The following OR3A2 variants were observed in gnomAD, a reference collection of about 807,000 sequenced individuals.
OR3A2 encodes the protein olfactory receptor 3A2.
For missense variants in OR3A2, 318 were observed against 392.8 expected, an observed-to-expected ratio of 0.81 and a Z score of 1.61; for synonymous variants, 126 against 159.3, an observed-to-expected ratio of 0.79 and a Z score of 1.57.
intron 1 of OR3A2, chr17:3,385,845 C>T: frequency 5.0e-6 from 2 of 398,512 alleles, no homozygotes; most frequent in Non-Finnish European, 8.8e-6. Context: ...GGAACCTCAA[C>T]ATGCAGGAAG....
chr17:3,297,377 T>C (rs1341257808), intron 3 of OR3A2, among the ~76,000 whole-genome samples: 1 of 152,228 alleles, frequency 6.6e-6, no homozygotes, highest in Non-Finnish European at 1.5e-5. Context: ...ACTCAGGTTG[T>C]AAGGTTTTAC....
At chr17:3,354,835 A>T (rs2049451479) in intron 2 of OR3A2, among the ~76,000 whole-genome samples, 1 of 151,122 alleles carries the variant, frequency 6.6e-6, no homozygotes, top group Non-Finnish European at 1.5e-5. Flanking sequence ...CTTGTTCTTT[A>T]AGATGCATCA....
chr17:3,360,484 T>C (rs2049503476), intron 2 of OR3A2, among the ~76,000 whole-genome samples: 1 of 151,800 alleles, frequency 6.6e-6, no homozygotes, highest in Non-Finnish European at 1.5e-5. Context: ...AGACATGAAG[T>C]CCATGCCCAT....
chr17:3,382,281 CAGT>C (rs1179498419), intron 2 of OR3A2, among the ~76,000 whole-genome samples: 1 of 152,168 alleles, frequency 6.6e-6, no homozygotes, highest in African/African-American at 2.4e-5. Context: ...GCCCTGCATC[CAGT>C]AGGCAAGAGG....
At position 3,310,995 on chromosome 17, in the gene OR3A2, C is replaced by G. The variant is rs746055392; in HGVS notation, c.-85+25038G>C. 2.9e-4 allele frequency: 161 copies of G among 551,360 alleles called. 3 individuals are homozygous for G. In the Middle Eastern group the frequency reaches 0.017, roughly 57 times the overall value. 34.2% of individuals were successfully genotyped at this position (551,360 alleles called of 1,614,324 possible). On this transcript the variant is annotated intron_variant, in intron 3 of 4. Transcript: ENST00000573491. ...CTATGCCCATGTGGCAGCTGCAGTC[C>G]TGCGAATCCGCTCTGCAGAGGGCAG... is the stretch of plus-strand genomic sequence containing the variant.
intron 3 of OR3A2, among the ~76,000 whole-genome samples, chr17:3,322,968 G>A (rs1301066194): frequency 6.6e-6 from 1 of 152,022 alleles, no homozygotes; most frequent in Non-Finnish European, 1.5e-5. Context: ...TTGACAGTGG[G>A]GTGTTAAAGT....
intron 2 of OR3A2, among the ~76,000 whole-genome samples, chr17:3,352,034 A>C (rs230464): frequency 0.41 from 62,725 of 151,838 alleles, 13,219 homozygotes; most frequent in Admixed American, 0.52. Context: ...AAATCAATTC[A>C]AGATGGATTG....
At chr17:3,323,789 C>T (rs2150637126) in intron 3 of OR3A2, among the ~76,000 whole-genome samples, 1 of 152,178 alleles carries the variant, frequency 6.6e-6, no homozygotes, top group African/African-American at 2.4e-5. Flanking sequence ...CTGCCCTTAA[C>T]ATTTTTTCCT....
intron 3 of OR3A2, among the ~76,000 whole-genome samples, chr17:3,293,767 T>A (rs566759611): frequency 6.6e-6 from 1 of 152,302 alleles, no homozygotes; most frequent in East Asian, 1.9e-4. Context: ...CACGGAATAC[T>A]ATGCAGCCAT....
chr17:3,340,271 G>A (rs1225213019), intron 2 of OR3A2, among the ~76,000 whole-genome samples: 2 of 152,052 alleles, frequency 1.3e-5, no homozygotes, highest in South Asian at 2.1e-4. Flanking sequence ...ATCTCCTTCA[G>A]TTCTGCTCTG....
At chr17:3,292,253 G>A (rs375681384) in intron 3 of OR3A2, 30 of 1,614,122 alleles carry the variant, frequency 1.9e-5, no homozygotes, top group Admixed American at 8.3e-5. Context: ...CCACTCCAAC[G>A]AACAGATGGA....
intron 3 of OR3A2, among the ~76,000 whole-genome samples, chr17:3,317,590 C>T (rs535192608): frequency 1.3e-4 from 20 of 152,278 alleles, no homozygotes; most frequent in African/African-American, 4.6e-4. Flanking sequence ...AGATCATTTC[C>T]TCCCTGTGGG....
upstream of OR3A2, among the ~76,000 whole-genome samples, chr17:3,287,425 A>G (rs1299361626): frequency 3.3e-5 from 5 of 151,986 alleles, no homozygotes; most frequent in Non-Finnish European, 5.9e-5. Context: ...ATCCATGTGT[A>G]CGCGGTATTG....
Position 3,359,696 on chromosome 17 carries a change from T to C in OR3A2, c.-178-23570A>G, listed in dbSNP as rs549100457. On this transcript the variant is annotated intron_variant, in intron 2 of 4. Transcript: ENST00000573491. Reference sequence around the variant, plus strand: ...AGGTAACCTTCCCTTTCTCTCTAGTTTGCTGAGAATGATGGTTTCCAGCTT... The same window carrying C: ...AGGTAACCTTCCCTTTCTCTCTAGTCTGCTGAGAATGATGGTTTCCAGCTT... 1.7e-4 allele frequency among the ~76,000 whole-genome samples: 26 copies of C among 151,804 alleles called. 1 individual carries two copies. In the South Asian group the frequency reaches 5.4e-3, roughly 31 times the overall value.
intron 2 of OR3A2, among the ~76,000 whole-genome samples, chr17:3,368,733 C>A (rs1017878456): frequency 1.3e-5 from 2 of 151,792 alleles, no homozygotes; most frequent in African/African-American, 4.8e-5. Context: ...TTTTTAGGTT[C>A]CTTTTGAATT....
chr17:3,312,840 T>C lies in OR3A2; in HGVS notation c.-85+23193A>G, dbSNP rs558046407. 3.0e-4 allele frequency among the ~76,000 whole-genome samples: 46 copies of C among 152,232 alleles called. 1 individual carries two copies. The highest frequency in any genetic ancestry group is 5.7e-4 in the Non-Finnish European group (39 of 68,004). On this transcript the variant is annotated intron_variant, in intron 3 of 4. Coordinates refer to the OR3A2 transcript ENST00000573491. ...GGTTTTACCATATTGGCCAGGCTGG[T>C]CTTGAAGTCCTGACCTCATGTGATC...
chr17:3,339,686 T>C (rs1654630760), intron 2 of OR3A2, among the ~76,000 whole-genome samples: 1 of 152,208 alleles, frequency 6.6e-6, no homozygotes, highest in Non-Finnish European at 1.5e-5. Context: ...CAGTATTTTA[T>C]TGAGGATTTT....
rs368875885 is a variant in OR3A2 at position 3,362,885 on chromosome 17, C to G, written c.-179+20919G>C. Among the ~76,000 whole-genome samples, 55 of 151,922 alleles carry G rather than the reference C, an allele frequency of 3.6e-4. No homozygotes were observed. The East Asian group carries it at 6.6e-3, about 18-fold the overall frequency. On this transcript the variant is annotated intron_variant, in intron 2 of 4. Transcript: ENST00000573491. ...AGGCCCAACACTATGGAGAAGCTGC[C>G]AAGGCTTGGGTTTGCACTCTCTGAA...
intron 3 of OR3A2, among the ~76,000 whole-genome samples, chr17:3,305,907 G>A (rs2048996358): frequency 6.6e-6 from 1 of 152,236 alleles, no homozygotes; most frequent in African/African-American, 2.4e-5. Flanking sequence ...ATGTAGGGAG[G>A]GAGCATGTCT....
Sources: gnomAD v4.1 joint callset for allele counts (sites outside exome capture counted in the v4.1 genomes callset) on GRCh38, gnomAD v4.1.1 for gene constraint, MANE v1.5 for transcripts, NCBI Gene and HGNC (gene_info 2026-07-23, HGNC 2026-07-21) for gene names.